The following ASB14 variants were observed in gnomAD, a reference collection of about 807,000 sequenced individuals.
ASB14 encodes the protein ankyrin repeat and SOCS box protein 14.
Under a neutral mutation model 55.6 loss-of-function variants are expected in ASB14, and 63 were observed. That is an observed-to-expected ratio of 1.13 (90% CI 0.92 to 1.40). The LOEUF (loss-of-function observed/expected upper bound fraction) is 1.40, where lower values mean the gene tolerates loss of function less well. Among genes scored for constraint, ASB14 ranks in the 40% most tolerant of loss-of-function variants. The probability of loss-of-function intolerance (pLI) is 0.00; values close to 1 mark genes in which losing one functional copy is unlikely to be tolerated. For synonymous variants in ASB14, 256 were observed against 259.9 expected, an observed-to-expected ratio of 0.98 and a Z score of 0.15; for missense variants, 724 against 710.4, an observed-to-expected ratio of 1.02 and a Z score of -0.22.
chr3:57,280,263 AC>A, intron 7 of ASB14, 38 bp downstream of exon 7: 1 of 1,371,102 alleles, frequency 7.3e-7, no homozygotes, highest in Admixed American at 2.3e-5. Flanking sequence ...GGTAGCTATT[AC>A]TGTTTTTATT....
At position 57,283,331 on chromosome 3, in the gene ASB14, A is replaced by AG; in HGVS notation, c.577dup (p.Leu193ProfsTer18). ...AAGCTTCACCATGTCCTCTCTGCCC[A>AG]GTTTGGCTGCTTCGTGGAGAGCTGT... On this transcript the variant is annotated frameshift_variant, in exon 6 of 11. Coordinates refer to ENST00000487349, the MANE Select transcript of ASB14 (RefSeq NM_001142733.3). LOFTEE classifies it high-confidence loss of function. The AG allele has an allele frequency of 6.4e-7, 1 of 1,551,824 alleles. No individual in the cohort carries two copies.
chr3:57,271,943 C>CTGTT (rs2060943871), intron 10 of ASB14: 1 of 152,188 alleles, frequency 6.6e-6, no homozygotes, highest in African/African-American at 2.4e-5. Flanking sequence ...ATTTAAGTAT[C>CTGTT]TGTTTTAATA....
chr3:57,268,511 CT>C lies in ASB14; in HGVS notation c.*1129del. 1 of 1,556,498 alleles carries C rather than the reference CT, an allele frequency of 6.4e-7. No individual in the cohort carries two copies. The highest frequency in any genetic ancestry group is 8.6e-7 in the Non-Finnish European group (1 of 1,157,684). ...AGGTATACAGTCCTAATGTCTGGAT[CT>C]TTATGTGTTGTTTGTGAAGACTTAA... On this transcript the variant is annotated 3_prime_UTR_variant, in exon 11 of 11. Transcript: ENST00000487349.
At position 57,288,250 on chromosome 3, in the gene ASB14, T is replaced by C; in HGVS notation, c.215A>G (p.His72Arg). ...CTCATCTGCTTCACCAAATGCGGAATGGTACTTGGTTAAGTGTGACAATGC... is the reference window on the plus strand; with the variant it reads ...CTCATCTGCTTCACCAAATGCGGAACGGTACTTGGTTAAGTGTGACAATGC... Reference protein sequence around the residue: ...EDALSHLTKYHSAFGEADEIG... With the variant: ...EDALSHLTKYRSAFGEADEIG... Residue 72 changes from histidine (H) to arginine (R), a missense_variant, in exon 4 of 11, where the codon CAT becomes CGT. Coordinates refer to ENST00000487349, the MANE Select transcript of ASB14 (RefSeq NM_001142733.3). 1 of 1,536,824 alleles carries C rather than the reference T, an allele frequency of 6.5e-7. No individual in the cohort carries two copies. The highest frequency in any genetic ancestry group is 2.4e-5 in the East Asian group (1 of 40,916).
Position 57,278,813 on chromosome 3 carries a change from A to C in ASB14, c.995T>G (p.Leu332Arg). 1 of 1,613,542 alleles carries C rather than the reference A, an allele frequency of 6.2e-7. No individual in the cohort carries two copies. Among genetic ancestry groups the C allele is most frequent in the Non-Finnish European group, 8.5e-7 (1 of 1,179,780 alleles). Residue 332 changes from leucine (L) to arginine (R), a missense_variant, in exon 8 of 11, where the codon CTC (leucine) becomes CGC (arginine). Coordinates refer to ENST00000487349, the MANE Select transcript of ASB14 (RefSeq NM_001142733.3). ...AAGAHPQCLE[L>R]LIQAGFDVNF... Reference sequence around the variant, plus strand: ...CACATCAAATCCAGCCTGGATGAGGAGTTCCAGGCACTGAGGATGTGCTCC... The same window carrying C: ...CACATCAAATCCAGCCTGGATGAGGCGTTCCAGGCACTGAGGATGTGCTCC...
At chr3:57,279,337 C>T (rs1295859132) in intron 7 of ASB14, among the ~76,000 whole-genome samples, 1 of 128,820 alleles carries the variant, frequency 7.8e-6, no homozygotes, top group African/African-American at 3.0e-5. Flanking sequence ...TGCAGTGGCG[C>T]AATCTTGGCT....
chr3:57,280,425 T>G lies in ASB14; in HGVS notation c.764A>C (p.Glu255Ala). 6.4e-7 allele frequency: 1 copy of G among 1,551,424 alleles called. No individual in the cohort carries two copies. The highest frequency in any genetic ancestry group is 8.7e-7 in the Non-Finnish European group (1 of 1,146,754). The change falls in exon 7 of 11, where the codon GAA becomes GCA. Residue 255 changes from glutamate to alanine, a missense_variant. Transcript: ENST00000487349. ...QASDSSSILL[E>A]AASGGNPDAV... ...ATCTGGATTTCCTCCACTTGCGGCT[T>G]CAAGTAAGATGGAAGAAGAATCAGA...
intron 10 of ASB14, among the ~76,000 whole-genome samples, chr3:57,273,977 G>C (rs1198433442): frequency 1.3e-5 from 2 of 152,056 alleles, no homozygotes; most frequent in African/African-American, 2.4e-5. Flanking sequence ...TCTGATATAA[G>C]TGCATGTATA....
chr3:57,274,157 A>G (rs937207076), intron 10 of ASB14, among the ~76,000 whole-genome samples: 24 of 152,200 alleles, frequency 1.6e-4, no homozygotes, highest in African/African-American at 5.5e-4. Flanking sequence ...TAATCCCTAC[A>G]CTAGAAAAAA....
chr3:57,279,264 C>CTTTTTTT lies in ASB14; in HGVS notation c.888-351_888-345dup, dbSNP rs869152915. Among the ~76,000 whole-genome samples, 37 of 88,078 alleles carry CTTTTTTT rather than the reference C, an allele frequency of 4.2e-4. 1 individual carries two copies. The highest frequency in any genetic ancestry group is 5.0e-4 in the Non-Finnish European group (23 of 45,550). 57.8% of individuals were successfully genotyped at this position (88,078 alleles called of 152,430 possible). On this transcript the variant is annotated intron_variant, in intron 7 of 10. Coordinates refer to ENST00000487349, the MANE Select transcript of ASB14 (RefSeq NM_001142733.3). ...TCTTCCTAGTTGGTCAAGAGTTTTTCTTTTTTTTTTTTTTTTTTTTTTTTT... is the reference window on the plus strand; with the variant it reads ...TCTTCCTAGTTGGTCAAGAGTTTTTCTTTTTTTTTTTTTTTTTTTTTTTTTTTTTTTT...
chr3:57,278,867 C>T lies in ASB14; in HGVS notation c.941G>A (p.Gly314Glu), dbSNP rs778030677. The change falls in exon 8 of 11, where the codon GGG becomes GAG. Residue 314 changes from glycine (G) to glutamate (E), a missense_variant. Transcript: ENST00000487349. Reference protein sequence around the residue: ...VTDLAAIKQSGISPVHCAAAG... With the variant: ...VTDLAAIKQSEISPVHCAAAG... ...TGCTGCACAGTGAACTGGACTGATC[C>T]CACTCTGCTTAATGGCAGCAAGATC... The T allele has an allele frequency of 6.2e-7, 1 of 1,613,712 alleles. No individual in the cohort carries two copies.
intron 2 of ASB14, among the ~76,000 whole-genome samples, chr3:57,289,338 T>G (rs1436945768): frequency 6.6e-6 from 1 of 152,188 alleles, no homozygotes; most frequent in Non-Finnish European, 1.5e-5. Context: ...TCTATCTGTC[T>G]TCCGCATTAG....
At chr3:57,288,125 A>G in intron 4 of ASB14, 30 bp downstream of exon 4, 1 of 1,536,080 alleles carries the variant, frequency 6.5e-7, no homozygotes, top group Non-Finnish European at 8.7e-7. Flanking sequence ...TATCTCTCAG[A>G]AGCATCAAGA....
chr3:57,291,785 A>G (rs1236127735), intron 2 of ASB14, 127 bp downstream of exon 2: 2 of 741,762 alleles, frequency 2.7e-6, no homozygotes, highest in Non-Finnish European at 2.0e-6. Context: ...TCTTACAGAT[A>G]TTTAATTGAC....
rs143805833 is a variant in ASB14 at position 57,283,200 on chromosome 3, G to A, written c.709C>T (p.Arg237Trp). ...GHTEIMEMLL[R>W]KGANAHGQAS... ...ACCAAACAGAAGATCTTGCCTTTCC[G>A]CAGTAACATTTCCATGATTTCAGTG... The change falls in exon 6 of 11, where the codon CGG becomes TGG. Residue 237 changes from arginine to tryptophan, a missense_variant. By Grantham distance (101) the Arg-to-Trp change is moderately radical (BLOSUM62 -3). Transcript: ENST00000487349. The A allele has an allele frequency of 4.1e-5, 64 of 1,552,010 alleles. No individual in the cohort carries two copies. The highest frequency in any genetic ancestry group is 3.6e-4 in the African/African-American group (26 of 73,108).
At position 57,269,401 on chromosome 3, in the gene ASB14, TTTTC is replaced by T. The variant is rs1271180498; in HGVS notation, c.*236_*239del. On this transcript the variant is annotated 3_prime_UTR_variant, in exon 11 of 11. Transcript: ENST00000487349. ...TGGTGTTGTATTGTTTGGGTGTAGC[TTTTC>T]TTTTTATCAAGTTGTCAGAAGTATG... The T allele has an allele frequency of 1.3e-6, 1 of 784,106 alleles. No homozygotes were observed. Among genetic ancestry groups the T allele is most frequent in the Non-Finnish European group, 1.9e-6 (1 of 533,002 alleles). The allele number at this position is 784,106 out of a possible 1,614,324, so 48.6% of individuals were successfully genotyped here. A position where few individuals can be genotyped will look rare whatever the true frequency, so the allele number is the denominator to read the frequency against.
intron 10 of ASB14, among the ~76,000 whole-genome samples, chr3:57,276,309 G>T (rs1187452108): frequency 6.6e-6 from 1 of 151,404 alleles, no homozygotes; most frequent in African/African-American, 2.4e-5. Context: ...TTTAGAGATG[G>T]GGTCTTGCTC....
At chr3:57,274,613 G>A (rs1351833983) in intron 10 of ASB14, among the ~76,000 whole-genome samples, 3 of 152,210 alleles carry the variant, frequency 2.0e-5, no homozygotes, top group Non-Finnish European at 4.4e-5. Flanking sequence ...CTGGAACCCA[G>A]GAGGCAGAGG....
chr3:57,273,549 C>T (rs2060962167), intron 10 of ASB14: 1 of 152,004 alleles, frequency 6.6e-6, no homozygotes, highest in Non-Finnish European at 1.5e-5. Context: ...GCTGTTATGA[C>T]ATTATAAATT....
Sources: gnomAD v4.1 joint callset for allele counts (sites outside exome capture counted in the v4.1 genomes callset) on GRCh38, gnomAD v4.1.1 for gene constraint, MANE v1.5 for transcripts, NCBI Gene and HGNC (gene_info 2026-07-23, HGNC 2026-07-21) for gene names.